The following EMILIN2 variants were observed in gnomAD, a reference collection of about 807,000 sequenced individuals.
EMILIN2 encodes EMILIN-2.
EMILIN2 carries 71 observed loss-of-function variants against 87.1 expected under a neutral mutation model. The ratio of observed to expected loss-of-function variants is 0.82; its 90% CI spans 0.67 to 0.99. EMILIN2 has a LOEUF of 0.99. EMILIN2 is among the 50% of genes least tolerant of loss of function. The pLI is 0.00. For missense variants in EMILIN2, 1,407 were observed against 1,371.8 expected, an observed-to-expected ratio of 1.03 and a Z score of -0.40; for synonymous variants, 581 against 563.4, an observed-to-expected ratio of 1.03 and a Z score of -0.44.
intron 2 of EMILIN2, among the ~76,000 whole-genome samples, chr18:2,851,942 T>C (rs1174418890): frequency 6.6e-6 from 1 of 152,206 alleles, no homozygotes; most frequent in East Asian, 1.9e-4. Flanking sequence ...CCTAAGTTGC[T>C]TGTGATCACG....
At chr18:2,879,282 G>A (rs1170042388) in intron 2 of EMILIN2, among the ~76,000 whole-genome samples, 4 of 152,172 alleles carry the variant, frequency 2.6e-5, no homozygotes, top group South Asian at 2.1e-4. Context: ...CTGCAAGTGC[G>A]GCCACTGGCA....
Position 2,890,149 on chromosome 18 carries a change from G to T in EMILIN2, c.434-412G>T, listed in dbSNP as rs895365671. Among the ~76,000 whole-genome samples, 2 of 152,216 alleles carry T rather than the reference G, an allele frequency of 1.3e-5. No homozygotes were observed. Among genetic ancestry groups the T allele is most frequent in the African/African-American group, 4.8e-5 (2 of 41,454 alleles). ...ACTGTATGCAGTCAACTCTTGGGGTGTGGCTGCAGTTCACTAATATGGGAA... is the reference window on the plus strand; with the variant it reads ...ACTGTATGCAGTCAACTCTTGGGGTTTGGCTGCAGTTCACTAATATGGGAA... On this transcript the variant is annotated intron_variant, in intron 3 of 7. Transcript: ENST00000254528. This position sits in a 1 kb window ranked among gnomAD's most constrained non-coding sequence, Gnocchi z 4.7.
At chr18:2,878,447 G>A (rs1254538320) in intron 2 of EMILIN2, among the ~76,000 whole-genome samples, 1 of 151,268 alleles carries the variant, frequency 6.6e-6, no homozygotes, top group Non-Finnish European at 1.5e-5. Flanking sequence ...CCGAGATCAC[G>A]CCACTGCACT....
chr18:2,907,019 CG>C lies in EMILIN2; in HGVS notation c.2600del (p.Gly867AlafsTer29). On this transcript the variant is annotated frameshift_variant, in exon 5 of 8. Coordinates refer to ENST00000254528, the MANE Select transcript of EMILIN2 (RefSeq NM_032048.3). LOFTEE classifies it high-confidence loss of function. ...AGGCGTGTCTGGGCGGGGTCTGCCG[CG>C]GGGCGTGGACGGCCAGACCGGGAGC... is the stretch of plus-strand genomic sequence containing the variant. ...GAGVSGRGLP[R>X]GVDGQTGSGT... 7.6e-7 allele frequency: 1 copy of C among 1,319,736 alleles called. No homozygotes were observed. The highest frequency in any genetic ancestry group is 3.1e-5 in the East Asian group (1 of 32,280). 81.8% of individuals were successfully genotyped at this position (1,319,736 alleles called of 1,614,324 possible). A position where few individuals can be genotyped will look rare whatever the true frequency, so the allele number is the denominator to read the frequency against.
intron 7 of EMILIN2, 55 bp from the exon 8 acceptor site, chr18:2,913,012 T>C: frequency 6.3e-7 from 1 of 1,579,446 alleles, no homozygotes; most frequent in Non-Finnish European, 8.6e-7. Context: ...CTTACTACCA[T>C]GGCAAGGGCT....
chr18:2,879,692 AAGTT>A (rs1375093838), intron 2 of EMILIN2, among the ~76,000 whole-genome samples: 2 of 150,640 alleles, frequency 1.3e-5, no homozygotes, highest in Non-Finnish European at 3.0e-5. Flanking sequence ...CAAAAAAAGA[AAGTT>A]AAGTATATTA....
chr18:2,866,618 C>A (rs745889659), intron 2 of EMILIN2, among the ~76,000 whole-genome samples: 3 of 152,150 alleles, frequency 2.0e-5, no homozygotes, highest in Admixed American at 2.0e-4. Flanking sequence ...GGGTTTTCTA[C>A]GTATATAATC....
chr18:2,889,915 G>T (rs1293537503), intron 3 of EMILIN2, among the ~76,000 whole-genome samples: 1 of 152,062 alleles, frequency 6.6e-6, no homozygotes, highest in Non-Finnish European at 1.5e-5. Context: ...ATGAATAGTT[G>T]CTTTATCTCT....
chr18:2,890,586 G>A lies in EMILIN2; in HGVS notation c.459G>A (p.Glu153=), dbSNP rs773847512. Residue 153 remains glutamate, a synonymous_variant, in exon 4 of 8, where the codon GAG becomes GAA. Transcript: ENST00000254528. This position sits in a 1 kb window ranked among gnomAD's most constrained non-coding sequence, Gnocchi z 4.7. ...ATDNEPSQFS[E]PRKTLSPTGT... Reference sequence around the variant, plus strand: ...ATAATGAACCCAGCCAATTCTCAGAGCCCAGGAAGACTTTGTCCCCAACTG... The same window carrying A: ...ATAATGAACCCAGCCAATTCTCAGAACCCAGGAAGACTTTGTCCCCAACTG... 7 of 1,585,552 alleles carry A rather than the reference G, an allele frequency of 4.4e-6. No individual in the cohort carries two copies. In the South Asian group the frequency reaches 7.8e-5, roughly 18 times the overall value.
chr18:2,861,147 G>A (rs2143968991), intron 2 of EMILIN2, among the ~76,000 whole-genome samples: 1 of 152,248 alleles, frequency 6.6e-6, no homozygotes, highest in Non-Finnish European at 1.5e-5. Flanking sequence ...TTTGTCAGAT[G>A]AGTAGATTGC....
At chr18:2,846,276 C>A (rs1052930056), upstream of EMILIN2, among the ~76,000 whole-genome samples, 2 of 152,208 alleles carry the variant, frequency 1.3e-5, no homozygotes, top group Non-Finnish European at 2.9e-5. This position sits in a 1 kb window ranked among gnomAD's most constrained non-coding sequence, Gnocchi z 5.3. Flanking sequence ...AAGAAGCAAA[C>A]GTGAGTAAAT....
At chr18:2,846,990 G>T, upstream of EMILIN2, 1 of 1,017,400 alleles carries the variant, frequency 9.8e-7, no homozygotes, top group South Asian at 3.4e-5. This position sits in a 1 kb window ranked among gnomAD's most constrained non-coding sequence, Gnocchi z 5.3. Context: ...GAGAAGCGCA[G>T]GGCGCACGGG....
chr18:2,864,328 C>T (rs1002790067), intron 2 of EMILIN2, among the ~76,000 whole-genome samples: 5 of 152,198 alleles, frequency 3.3e-5, no homozygotes, highest in South Asian at 2.1e-4. Context: ...ATGGTCTTTA[C>T]ATTTTGGCAT....
At chr18:2,868,765 C>G (rs570526038) in intron 2 of EMILIN2, among the ~76,000 whole-genome samples, 1 of 151,972 alleles carries the variant, frequency 6.6e-6, no homozygotes, top group African/African-American at 2.4e-5. Context: ...AGCTTCGGCT[C>G]GGCATCAGAC....
chr18:2,873,075 T>G (rs2143998127), intron 2 of EMILIN2, among the ~76,000 whole-genome samples: 1 of 151,508 alleles, frequency 6.6e-6, no homozygotes, highest in African/African-American at 2.4e-5. Flanking sequence ...AACCAAAAAC[T>G]TAATTTTAAA....
At chr18:2,867,571 T>G (rs2076693032) in intron 2 of EMILIN2, among the ~76,000 whole-genome samples, 1 of 152,150 alleles carries the variant, frequency 6.6e-6, no homozygotes, top group Admixed American at 6.5e-5. Context: ...CATGCTGCCT[T>G]CAAGCATCTG....
At chr18:2,859,022 A>C (rs528030995) in intron 2 of EMILIN2, among the ~76,000 whole-genome samples, 11 of 152,256 alleles carry the variant, frequency 7.2e-5, no homozygotes, top group Non-Finnish European at 1.6e-4. Flanking sequence ...GTGCTGCTGT[A>C]AATATTTACG....
At position 2,868,061 on chromosome 18, in the gene EMILIN2, C is replaced by T. The variant is rs562885618; in HGVS notation, c.258-16903C>T. On this transcript the variant is annotated intron_variant, in intron 2 of 7. Coordinates refer to ENST00000254528, the MANE Select transcript of EMILIN2 (RefSeq NM_032048.3). The stretch of plus-strand genomic sequence containing the variant: ...CTTCCCAGACGGGGTGGCTGCTGGA[C>T]GGGGCTCCTCACTTCTCAGATGGAG... Among the ~76,000 whole-genome samples the T allele has an allele frequency of 3.9e-5, 6 of 152,000 alleles. No individual in the cohort carries two copies. The East Asian group carries it at 9.7e-4, about 25-fold the overall frequency.
chr18:2,855,102 C>G (rs1157454054), intron 2 of EMILIN2, among the ~76,000 whole-genome samples: 1 of 152,196 alleles, frequency 6.6e-6, no homozygotes, highest in Non-Finnish European at 1.5e-5. Context: ...ATCCCAGGCG[C>G]CCAGCCCTCG....
Sources: allele counts gnomAD v4.1 joint callset (sites outside exome capture counted in the v4.1 genomes callset), GRCh38; gene constraint gnomAD v4.1.1; non-coding constraint Gnocchi (gnomAD v3.1); transcripts MANE v1.5; gene names NCBI Gene and HGNC (gene_info 2026-07-23, HGNC 2026-07-21).